EIPR1: variants seen among roughly 807,000 people sequenced by gnomAD.
EIPR1 encodes EARP complex and GARP complex interacting protein 1, also known as EARP and GARP complex-interacting protein 1.
In EIPR1, 25 loss-of-function variants were observed where a neutral mutation model predicts 48.1. That is an observed-to-expected ratio of 0.52 (90% CI 0.38 to 0.73). EIPR1 has a LOEUF of 0.73. EIPR1 is among the 30% of genes least tolerant of loss of function. The pLI is 0.00. For synonymous variants in EIPR1, 204 were observed against 201.9 expected, an observed-to-expected ratio of 1.01 and a Z score of -0.09; for missense variants, 415 against 506.2, an observed-to-expected ratio of 0.82 and a Z score of 1.73.
chr2:3,222,476 A>G (rs1227984297), intron 4 of EIPR1, among the ~76,000 whole-genome samples: 1 of 152,246 alleles, frequency 6.6e-6, no homozygotes, highest in South Asian at 2.1e-4. Flanking sequence ...TAATTCAAAA[A>G]GAAGCAAAAA....
intron 1 of EIPR1, among the ~76,000 whole-genome samples, chr2:3,364,882 T>TTGGA (rs1435871224): frequency 2.6e-5 from 4 of 152,002 alleles, no homozygotes; most frequent in African/African-American, 9.7e-5. Context: ...AAATATACAG[T>TTGGA]TGGATAGAGG....
chr2:3,195,032 C>T (rs181029785), intron 6 of EIPR1, among the ~76,000 whole-genome samples: 1 of 152,376 alleles, frequency 6.6e-6, no homozygotes, highest in East Asian at 1.9e-4. Context: ...CACATCTATG[C>T]ATGAGAGGGC....
intron 4 of EIPR1, among the ~76,000 whole-genome samples, chr2:3,233,293 A>G (rs975720663): frequency 2.0e-5 from 3 of 152,156 alleles, no homozygotes; most frequent in Non-Finnish European, 4.4e-5. Context: ...ACAGAATTCT[A>G]TCGTGTGAAT....
intron 2 of EIPR1, among the ~76,000 whole-genome samples, chr2:3,340,956 G>A (rs945051001): frequency 1.3e-5 from 2 of 151,786 alleles, no homozygotes; most frequent in African/African-American, 2.4e-5. Flanking sequence ...AATTAGCCGG[G>A]CGTAGTGGCA....
intron 3 of EIPR1, among the ~76,000 whole-genome samples, chr2:3,284,667 G>A (rs547254657): frequency 2.0e-4 from 31 of 152,374 alleles, no homozygotes; most frequent in African/African-American, 7.0e-4. Context: ...GTCAGGGGCA[G>A]AGAACGGTTC....
intron 4 of EIPR1, among the ~76,000 whole-genome samples, chr2:3,243,854 C>T (rs1666716749): frequency 6.6e-6 from 1 of 152,194 alleles, no homozygotes; most frequent in Non-Finnish European, 1.5e-5. Flanking sequence ...CAGGGCATGG[C>T]TCTGCTGTGA....
intron 3 of EIPR1, among the ~76,000 whole-genome samples, chr2:3,263,250 G>A (rs1572371165): frequency 6.6e-6 from 1 of 152,174 alleles, no homozygotes; most frequent in East Asian, 1.9e-4. Flanking sequence ...TGCAAAAAGT[G>A]GCCCATACTC....
chr2:3,317,480 C>T (rs1233971525), intron 3 of EIPR1, among the ~76,000 whole-genome samples: 1 of 151,416 alleles, frequency 6.6e-6, no homozygotes, highest in Non-Finnish European at 1.5e-5. Flanking sequence ...CTGTGTGCCT[C>T]ACATGCGGGG....
intron 3 of EIPR1, among the ~76,000 whole-genome samples, chr2:3,293,149 A>G (rs1668420325): frequency 6.6e-6 from 1 of 152,176 alleles, no homozygotes; most frequent in South Asian, 2.1e-4. Context: ...TACAATCTAT[A>G]GCCTGGTGGC....
chr2:3,204,469 C>T (rs1665157739), intron 5 of EIPR1, among the ~76,000 whole-genome samples: 1 of 152,214 alleles, frequency 6.6e-6, no homozygotes, highest in Non-Finnish European at 1.5e-5. Flanking sequence ...TTCCTGGGGA[C>T]ATGGAGACAG....
intron 3 of EIPR1, among the ~76,000 whole-genome samples, chr2:3,332,060 A>G (rs1212257226): frequency 6.7e-6 from 1 of 149,450 alleles, no homozygotes; most frequent in African/African-American, 2.5e-5. Flanking sequence ...TACACTCATG[A>G]GATGGTGTCA....
In EIPR1 at chr2:3,209,053, C is replaced by A. The variant is rs1572295591; in HGVS notation, c.516+5096G>T. 1.1e-5 allele frequency: 16 copies of A among 1,437,472 alleles called. No individual in the cohort carries two copies. In the East Asian group the frequency reaches 3.5e-4, roughly 31 times the overall value. 89.0% of individuals were successfully genotyped at this position (1,437,472 alleles called of 1,614,324 possible). Reference sequence around the variant, plus strand: ...GACCAGCACCATCTTTTCCGGGACGCCTGCTGGTGGGAAGGCAGGGTGTAC... The same window carrying A: ...GACCAGCACCATCTTTTCCGGGACGACTGCTGGTGGGAAGGCAGGGTGTAC... On this transcript the variant is annotated intron_variant, in intron 5 of 8. Coordinates refer to ENST00000382125, the MANE Select transcript of EIPR1 (RefSeq NM_003310.5).
At chr2:3,322,126 C>T (rs756469179) in intron 3 of EIPR1, among the ~76,000 whole-genome samples, 1 of 152,228 alleles carries the variant, frequency 6.6e-6, no homozygotes, top group African/African-American at 2.4e-5. Flanking sequence ...ATCCGCTCTT[C>T]CCAGCGAGGT....
intron 4 of EIPR1, among the ~76,000 whole-genome samples, chr2:3,218,475 G>C (rs1350097033): frequency 2.0e-5 from 3 of 147,256 alleles, no homozygotes; most frequent in Non-Finnish European, 3.0e-5. Context: ...TTCACAGTGA[G>C]TCAGGTGCAC....
intron 3 of EIPR1, chr2:3,274,211 A>G: frequency 7.0e-7 from 1 of 1,432,042 alleles, no homozygotes; most frequent in Non-Finnish European, 9.3e-7. Context: ...CAGCAGGCAC[A>G]ATATCAATAA....
chr2:3,287,404 C>T (rs931768531), intron 3 of EIPR1, among the ~76,000 whole-genome samples: 2 of 150,388 alleles, frequency 1.3e-5, no homozygotes, highest in Non-Finnish European at 3.0e-5. Flanking sequence ...ATCCAGAAAG[C>T]GTGTTCACCA....
chr2:3,347,685 T>G (rs1037967275), intron 2 of EIPR1, among the ~76,000 whole-genome samples: 2 of 152,252 alleles, frequency 1.3e-5, no homozygotes, highest in Non-Finnish European at 2.9e-5. Context: ...ATGTTAGATC[T>G]GAACTTGAAA....
intron 3 of EIPR1, among the ~76,000 whole-genome samples, chr2:3,296,828 C>A (rs1668616337): frequency 6.6e-6 from 1 of 152,278 alleles, no homozygotes; most frequent in Non-Finnish European, 1.5e-5. Flanking sequence ...TGCACCCACA[C>A]ACTGCCCATC....
chr2:3,265,640 G>T (rs987590153), intron 3 of EIPR1, among the ~76,000 whole-genome samples: 1 of 152,196 alleles, frequency 6.6e-6, no homozygotes, highest in Admixed American at 6.5e-5. Context: ...AGCCGGCAGA[G>T]GGCAGGGCTC....
Sources: allele counts gnomAD v4.1 joint callset (sites outside exome capture counted in the v4.1 genomes callset), GRCh38; gene constraint gnomAD v4.1.1; transcripts MANE v1.5; gene names NCBI Gene and HGNC (gene_info 2026-07-23, HGNC 2026-07-21).